The following WDPCP variants were observed in gnomAD, a reference collection of about 807,000 sequenced individuals.
WDPCP encodes WD repeat-containing and planar cell polarity effector protein fritz homolog.
WDPCP carries 71 observed loss-of-function variants against 93.1 expected under a neutral mutation model. The ratio of observed to expected loss-of-function variants is 0.76; its 90% CI spans 0.63 to 0.93. The LOEUF (loss-of-function observed/expected upper bound fraction) is 0.93, where lower values mean the gene tolerates loss of function less well. Ranked by LOEUF, WDPCP falls within the 40% of genes least tolerant of loss-of-function variation. WDPCP has a pLI of 0.00. For synonymous variants in WDPCP, 315 were observed against 315.0 expected (o/e 1.00, Z 0.00); for missense variants, 844 against 887.4 (o/e 0.95, Z 0.62).
chr2:63,591,028 A>G (rs1709192572), upstream of WDPCP: 2 of 152,258 alleles, frequency 1.3e-5, no homozygotes, highest in Admixed American at 6.5e-5. Context: ...TATAAATTTG[A>G]AAGTGAAAAA....
At chr2:63,640,833 TTTAG>T (rs1254605994) in intron 3 of WDPCP, among the ~76,000 whole-genome samples, 1 of 152,166 alleles carries the variant, frequency 6.6e-6, no homozygotes, top group African/African-American at 2.4e-5. Context: ...ATTATACTTT[TTTAG>T]TTATTTTTAA....
chr2:63,761,756 G>A (rs1184781790), intron 2 of WDPCP, among the ~76,000 whole-genome samples: 3 of 151,996 alleles, frequency 2.0e-5, no homozygotes, highest in African/African-American at 7.3e-5. Flanking sequence ...GCCTTTCCCG[G>A]CCCACTGACT....
intron 3 of WDPCP, among the ~76,000 whole-genome samples, chr2:63,629,733 G>A (rs540902898): frequency 2.0e-5 from 3 of 152,340 alleles, no homozygotes; most frequent in African/African-American, 7.2e-5. Flanking sequence ...ATCAGTGGAG[G>A]TTGAGGGAGG....
intron 12 of WDPCP, among the ~76,000 whole-genome samples, chr2:63,349,099 A>C (rs1689400654): frequency 6.6e-6 from 1 of 152,176 alleles, no homozygotes; most frequent in African/African-American, 2.4e-5. Flanking sequence ...ATTTGTGATT[A>C]ATAAATCTGT....
intron 2 of WDPCP, among the ~76,000 whole-genome samples, chr2:63,711,923 T>C (rs568488858): frequency 6.6e-6 from 1 of 152,340 alleles, no homozygotes; most frequent in South Asian, 2.1e-4. Flanking sequence ...ACTCCCTTGC[T>C]ACTGCTGCTG....
At chr2:63,228,019 T>C (rs886583002) in intron 14 of WDPCP, among the ~76,000 whole-genome samples, 5 of 152,116 alleles carry the variant, frequency 3.3e-5, no homozygotes, top group African/African-American at 1.2e-4. Context: ...TATCATTTAA[T>C]AGTCAAAATC....
intron 17 of WDPCP, among the ~76,000 whole-genome samples, chr2:63,147,139 G>A (rs1008453200): frequency 6.6e-6 from 1 of 152,146 alleles, no homozygotes; most frequent in Admixed American, 6.5e-5. Context: ...GAAAGCACAG[G>A]TTAGTTAATG....
chr2:63,675,682 C>G (rs1009028895), intron 2 of WDPCP, among the ~76,000 whole-genome samples: 1 of 152,044 alleles, frequency 6.6e-6, no homozygotes, highest in Non-Finnish European at 1.5e-5. Flanking sequence ...TTAACAAATA[C>G]TAAGTTTTGC....
intron 14 of WDPCP, among the ~76,000 whole-genome samples, chr2:63,240,857 C>A (rs1350250962): frequency 1.3e-5 from 2 of 152,022 alleles, no homozygotes; most frequent in Non-Finnish European, 2.9e-5. Flanking sequence ...CAGGAAAAGA[C>A]CACTACCTTT....
At chr2:63,305,216 T>C (rs1163355592) in intron 13 of WDPCP, among the ~76,000 whole-genome samples, 1 of 152,058 alleles carries the variant, frequency 6.6e-6, no homozygotes, top group Non-Finnish European at 1.5e-5. Context: ...AAGAGAGCAG[T>C]GGATCTCCCA....
At chr2:63,599,814 A>C (rs905535171) in intron 3 of WDPCP, 2 of 152,214 alleles carry the variant, frequency 1.3e-5, no homozygotes, top group South Asian at 2.1e-4. Context: ...ACTACTTAGG[A>C]GCTAAAGTCT....
chr2:63,311,309 A>G (rs1260152214), intron 13 of WDPCP, among the ~76,000 whole-genome samples: 2 of 152,176 alleles, frequency 1.3e-5, no homozygotes, highest in Non-Finnish European at 2.9e-5. Context: ...TTTTCAATCT[A>G]TAGGCTATAG....
At chr2:63,597,371 C>T (rs1709333577) in intron 3 of WDPCP, 2 of 1,338,774 alleles carry the variant, frequency 1.5e-6, no homozygotes, top group Non-Finnish European at 1.9e-6. Flanking sequence ...GTTTAAGTAG[C>T]TCTGCGTATT....
At chr2:63,679,975 T>G (rs1710471983) in intron 2 of WDPCP, among the ~76,000 whole-genome samples, 1 of 152,212 alleles carries the variant, frequency 6.6e-6, no homozygotes, top group African/African-American at 2.4e-5. Flanking sequence ...ATTTAGAGTG[T>G]AGGCAGCAGG....
At chr2:63,300,139 T>TC (rs1685211003) in intron 13 of WDPCP, among the ~76,000 whole-genome samples, 1 of 152,048 alleles carries the variant, frequency 6.6e-6, no homozygotes, top group Admixed American at 6.5e-5. Flanking sequence ...GCTGGCCCTT[T>TC]CTGCTAGGAG....
At chr2:63,547,556 TACACACACACACACAC>T (rs1553429504) in intron 1 of WDPCP, among the ~76,000 whole-genome samples, 1 of 4,774 alleles carries the variant, frequency 2.1e-4, no homozygotes, top group Non-Finnish European at 2.7e-4. Flanking sequence ...GTGGTATGTA[TACACACACACACACAC>T]ACACATACAC....
At chr2:63,322,293 G>A (rs1319823229) in intron 12 of WDPCP, among the ~76,000 whole-genome samples, 3 of 152,256 alleles carry the variant, frequency 2.0e-5, no homozygotes, top group South Asian at 4.1e-4. Flanking sequence ...TCAGCAGGAT[G>A]TGGGTGGGCC....
chr2:63,378,333 C>G, intron 12 of WDPCP, 53 bp downstream of exon 12: 1 of 1,609,944 alleles, frequency 6.2e-7, no homozygotes, highest in Non-Finnish European at 8.5e-7. Context: ...AAGAGGATGT[C>G]TCCTGAAATA....
intron 10 of WDPCP, among the ~76,000 whole-genome samples, chr2:63,388,663 C>T (rs754179921): frequency 6.6e-6 from 1 of 152,034 alleles, no homozygotes; most frequent in Non-Finnish European, 1.5e-5. Context: ...AAAAGTTAGA[C>T]GAATGGCTAA....
Sources: gnomAD v4.1 joint callset for allele counts (sites outside exome capture counted in the v4.1 genomes callset) on GRCh38, gnomAD v4.1.1 for gene constraint, MANE v1.5 for transcripts, NCBI Gene and HGNC (gene_info 2026-07-23, HGNC 2026-07-21) for gene names.